The following BMP2K variants were observed in gnomAD, a reference collection of about 807,000 sequenced individuals.
BMP2K encodes BMP-2-inducible protein kinase.
Under a neutral mutation model 116.0 loss-of-function variants are expected in BMP2K, and 74 were observed. That is an observed-to-expected ratio of 0.64 (90% CI 0.53 to 0.77). BMP2K has a LOEUF of 0.77. BMP2K is among the 30% of genes least tolerant of loss of function. BMP2K has a pLI of 0.00. For synonymous variants in BMP2K, 486 were observed against 502.5 expected, an observed-to-expected ratio of 0.97 and a Z score of 0.44; for missense variants, 1,365 against 1,403.6, an observed-to-expected ratio of 0.97 and a Z score of 0.44.
At chr4:78,823,507 T>C (rs1403989902) in intron 1 of BMP2K, among the ~76,000 whole-genome samples, 3 of 147,842 alleles carry the variant, frequency 2.0e-5, no homozygotes, top group South Asian at 2.1e-4. Flanking sequence ...TATATAGTTA[T>C]ATATAGTTAT....
chr4:78,867,239 A>C (rs1163053869), intron 10 of BMP2K, among the ~76,000 whole-genome samples: 1 of 152,164 alleles, frequency 6.6e-6, no homozygotes, highest in Non-Finnish European at 1.5e-5. Flanking sequence ...TCTTAATATA[A>C]ATTTTGTCTA....
intron 15 of BMP2K, among the ~76,000 whole-genome samples, 198 bp downstream of exon 15, chr4:78,887,482 GA>G (rs1219847937): frequency 6.6e-6 from 1 of 152,036 alleles, no homozygotes; most frequent in African/African-American, 2.4e-5. Context: ...TGCCAACATA[GA>G]AAAATGCTGA....
At chr4:78,901,755 C>A (rs185099873) in intron 15 of BMP2K, among the ~76,000 whole-genome samples, 3 of 152,166 alleles carry the variant, frequency 2.0e-5, no homozygotes, top group African/African-American at 7.2e-5. Context: ...ACACCTACAA[C>A]TTCTAAAACG....
intron 1 of BMP2K, among the ~76,000 whole-genome samples, chr4:78,785,988 A>G (rs1727706862): frequency 6.6e-6 from 1 of 152,182 alleles, no homozygotes; most frequent in African/African-American, 2.4e-5. Flanking sequence ...CCTCCAGTTC[A>G]GTATGACCTC....
chr4:78,882,660 G>C (rs532949257), intron 14 of BMP2K, among the ~76,000 whole-genome samples: 40 of 151,916 alleles, frequency 2.6e-4, no homozygotes, highest in African/African-American at 9.6e-4. Flanking sequence ...AGTTATACTC[G>C]TTAATTAAAA....
intron 15 of BMP2K, among the ~76,000 whole-genome samples, chr4:78,888,845 GT>G (rs751931449): frequency 7.9e-5 from 12 of 152,098 alleles, no homozygotes; most frequent in Non-Finnish European, 1.6e-4. Flanking sequence ...ACCTAATACT[GT>G]TCATTGAATG....
chr4:78,821,464 T>A (rs1184306309), intron 1 of BMP2K, among the ~76,000 whole-genome samples: 1 of 152,200 alleles, frequency 6.6e-6, no homozygotes, highest in Non-Finnish European at 1.5e-5. Flanking sequence ...GGTCTTGAGT[T>A]GAGGTGGGGG....
intron 15 of BMP2K, among the ~76,000 whole-genome samples, chr4:78,900,271 A>T (rs1410104681): frequency 2.0e-5 from 3 of 152,212 alleles, no homozygotes; most frequent in Non-Finnish European, 4.4e-5. Context: ...TTAGTTGATT[A>T]TGTTATCAGC....
chr4:78,865,803 T>C, intron 10 of BMP2K, 83 bp downstream of exon 10: 1 of 1,379,006 alleles, frequency 7.3e-7, no homozygotes, highest in Non-Finnish European at 1.0e-6. Context: ...CCTCAGGTGA[T>C]CCTTAATATT....
rs1730925402 is a variant in BMP2K at position 78,844,888 on chromosome 4, C to T, written c.547-40C>T. 4.6e-6 allele frequency: 7 copies of T among 1,517,968 alleles called. No individual in the cohort carries two copies. The South Asian group carries it at 4.7e-5, about 10-fold the overall frequency. The allele number at this position is 1,517,968 out of a possible 1,614,324, so 94.0% of individuals were successfully genotyped here. On this transcript the variant is annotated intron_variant, in intron 4 of 15. Transcript: ENST00000502613. Reference sequence around the variant, plus strand: ...AAAGATTGTAAAAAGTTAATTTTCACTTTGAAAATACTACTCATTATTGAT... The same window carrying T: ...AAAGATTGTAAAAAGTTAATTTTCATTTTGAAAATACTACTCATTATTGAT...
At position 78,915,450 on chromosome 4, in the gene BMP2K, G is replaced by A. The variant is rs1175013004; in HGVS notation, c.*3417G>A. 1 of 151,862 alleles carries A rather than the reference G, an allele frequency of 6.6e-6. No individual in the cohort carries two copies. The highest frequency in any genetic ancestry group is 2.4e-5 in the African/African-American group (1 of 41,390). 9.4% of individuals were successfully genotyped at this position (151,862 alleles called of 1,614,324 possible). On this transcript the variant is annotated 3_prime_UTR_variant, in exon 16 of 16. Coordinates refer to ENST00000502613, the MANE Select transcript of BMP2K (RefSeq NM_198892.2). ...TTTGTTTTTAATATATTTAGAATGT[G>A]CAGTAAACTTTTTTCTCATTTTTTT...
intron 14 of BMP2K, among the ~76,000 whole-genome samples, chr4:78,884,402 A>G (rs914127280): frequency 6.6e-6 from 1 of 152,340 alleles, no homozygotes; most frequent in African/African-American, 2.4e-5. Flanking sequence ...TAATGAATCA[A>G]GTAGACCTAA....
rs771417846 is a variant in BMP2K at position 78,878,756 on chromosome 4, A to G, written c.1816A>G (p.Ile606Val). The change falls in exon 14 of 16, where the codon ATT (isoleucine) becomes GTT (valine). Residue 606 changes from isoleucine (I) to valine (V), a missense_variant. Transcript: ENST00000502613. ...ANRSVADKEA[I>V]ANFTNQKNIS... ...TAGGTCAGTTGCTGATAAAGAGGCC[A>G]TTGCAAATTTCACAAATCAGAAGAA... is the stretch of plus-strand genomic sequence containing the variant. 1.2e-6 allele frequency: 2 copies of G among 1,611,856 alleles called. No individual in the cohort carries two copies. The highest frequency in any genetic ancestry group is 2.2e-5 in the East Asian group (1 of 44,732).
intron 15 of BMP2K, among the ~76,000 whole-genome samples, chr4:78,909,055 CTTTTTTTT>C (rs1053664659): frequency 5.3e-5 from 5 of 94,412 alleles, no homozygotes; most frequent in South Asian, 3.9e-4. Context: ...TTCCCTTAGT[CTTTTTTTT>C]TTTTTTTTTT....
At chr4:78,856,612 T>C (rs1731516779) in intron 7 of BMP2K, among the ~76,000 whole-genome samples, 1 of 152,146 alleles carries the variant, frequency 6.6e-6, no homozygotes, top group African/African-American at 2.4e-5. Context: ...GTATGATTAT[T>C]CATCTTTTCA....
intron 2 of BMP2K, among the ~76,000 whole-genome samples, chr4:78,826,401 C>T (rs1729876911): frequency 6.6e-6 from 1 of 152,002 alleles, no homozygotes; most frequent in Non-Finnish European, 1.5e-5. Flanking sequence ...CAGGGTTTCA[C>T]CATGTTGGGC....
In BMP2K at chr4:78,914,378, T is replaced by C. The variant is rs1734863343; in HGVS notation, c.*2345T>C. The C allele has an allele frequency of 6.6e-6, 1 of 152,016 alleles. No homozygotes were observed. The highest frequency in any genetic ancestry group is 6.6e-5 in the Admixed American group (1 of 15,228). The allele number at this position is 152,016 out of a possible 1,614,324, so 9.4% of individuals were successfully genotyped here. ...GACTTTCTTCTTTCAAGATTGTAGC[T>C]CAGAGAAAAGATACAGGATTCAATT... is the stretch of plus-strand genomic sequence containing the variant. On this transcript the variant is annotated 3_prime_UTR_variant, in exon 16 of 16. Coordinates refer to ENST00000502613, the MANE Select transcript of BMP2K (RefSeq NM_198892.2).
intron 9 of BMP2K, among the ~76,000 whole-genome samples, chr4:78,864,110 G>A (rs989734751): frequency 1.3e-5 from 2 of 152,092 alleles, no homozygotes; most frequent in African/African-American, 4.8e-5. Context: ...AGTGAACAAA[G>A]TATACAGACT....
chr4:78,851,089 T>C, intron 7 of BMP2K, 33 bp downstream of exon 7: 1 of 1,577,788 alleles, frequency 6.3e-7, no homozygotes. Flanking sequence ...GAAAATATTG[T>C]AGGATACTGT....
Sources: gnomAD v4.1 joint callset for allele counts (sites outside exome capture counted in the v4.1 genomes callset) on GRCh38, gnomAD v4.1.1 for gene constraint, MANE v1.5 for transcripts, NCBI Gene and HGNC (gene_info 2026-07-23, HGNC 2026-07-21) for gene names.